The following HNRNPF variants were observed in gnomAD, a reference collection of about 807,000 sequenced individuals.
The protein encoded by HNRNPF is HnRNP F protein.
Under a neutral mutation model 26.0 loss-of-function variants are expected in HNRNPF, and 2 were observed. The observed-to-expected ratio is 0.08, with a 90% CI of 0.03 to 0.24. HNRNPF has a LOEUF of 0.24. Ranked by LOEUF, HNRNPF falls within the 10% of genes least tolerant of loss-of-function variation. HNRNPF has a pLI of 1.00. For missense variants in HNRNPF, 299 were observed against 539.2 expected (o/e 0.55, Z 4.41); for synonymous variants, 234 against 211.5 (o/e 1.11, Z -0.92).
At chr10:43,393,090 C>T (rs1465117125) in intron 3 of HNRNPF, among the ~76,000 whole-genome samples, 1 of 152,252 alleles carries the variant, frequency 6.6e-6, no homozygotes, top group African/African-American at 2.4e-5. Flanking sequence ...TCCTATTCAA[C>T]TCTTCCATTT....
At chr10:43,400,951 A>G (rs978425444) in intron 1 of HNRNPF, among the ~76,000 whole-genome samples, 2 of 152,178 alleles carry the variant, frequency 1.3e-5, no homozygotes, top group African/African-American at 4.8e-5. Context: ...ACGTGGTGGC[A>G]GGCACCTGTA....
chr10:43,395,315 T>A (rs1838439840), intron 2 of HNRNPF, among the ~76,000 whole-genome samples: 1 of 152,132 alleles, frequency 6.6e-6, no homozygotes, highest in Non-Finnish European at 1.5e-5. Context: ...CAAAAGACAC[T>A]TTCAGTTTTA....
chr10:43,394,178 A>AGG (rs1838367548), intron 3 of HNRNPF, among the ~76,000 whole-genome samples: 1 of 152,180 alleles, frequency 6.6e-6, no homozygotes, highest in Admixed American at 6.5e-5. Context: ...GCCCATGTGT[A>AGG]GGGGGGTCAA....
chr10:43,392,379 A>C (rs1838287010), intron 3 of HNRNPF, among the ~76,000 whole-genome samples: 1 of 152,150 alleles, frequency 6.6e-6, no homozygotes, highest in African/African-American at 2.4e-5. Context: ...TCTCTACTAA[A>C]AATACAAAAA....
In HNRNPF at chr10:43,387,163, C is replaced by G. The variant is rs556375140; in HGVS notation, c.722G>C (p.Gly241Ala). Reference sequence around the variant, plus strand: ...GAGGCCACTGTACTCCTCGTAGCCCCCGTAGCCTGTGCTGTAGGCACCAGG... The same window carrying G: ...GAGGCCACTGTACTCCTCGTAGCCCGCGTAGCCTGTGCTGTAGGCACCAGG... ...MRPGAYSTGY[G>A]GYEEYSGLSD... The change falls in exon 4 of 4, where the codon GGG becomes GCG. Residue 241 changes from glycine to alanine, a missense_variant. Gly to Ala is a moderately conservative substitution (Grantham distance 60). Transcript: ENST00000682386. This position sits in a 1 kb window ranked among gnomAD's most constrained non-coding sequence, Gnocchi z 6.0. 3.7e-6 allele frequency: 6 copies of G among 1,614,162 alleles called. No individual in the cohort carries two copies. The African/African-American group carries it at 8.0e-5, about 22-fold the overall frequency.
intron 1 of HNRNPF, among the ~76,000 whole-genome samples, chr10:43,408,029 C>G (rs540850446): frequency 1.3e-3 from 194 of 152,342 alleles, no homozygotes; most frequent in Non-Finnish European, 2.2e-3. Flanking sequence ...GCAAGCGACC[C>G]TCCCGCCTCA....
rs1838582221 is a variant in HNRNPF, at chr10:43,397,295, G to A, written c.-246-705C>T. 9 of 152,414 alleles carry A rather than the reference G, an allele frequency of 5.9e-5. No individual in the cohort carries two copies. The South Asian group carries it at 1.9e-3, about 32-fold the overall frequency. The allele number at this position is 152,414 out of a possible 1,614,324, so 9.4% of individuals were successfully genotyped here. On this transcript the variant is annotated intron_variant, in intron 1 of 3. Coordinates refer to ENST00000682386, the MANE Select transcript of HNRNPF (RefSeq NM_001098204.2). Reference sequence around the variant, plus strand: ...CCGGACGTGGGTCACGGGGTGCAGAGGAGGAAGTGCCATTGCCGGGCCCGC... The same window carrying A: ...CCGGACGTGGGTCACGGGGTGCAGAAGAGGAAGTGCCATTGCCGGGCCCGC...
intron 3 of HNRNPF, among the ~76,000 whole-genome samples, chr10:43,391,465 A>C (rs910682197): frequency 5.9e-5 from 9 of 151,706 alleles, no homozygotes; most frequent in Non-Finnish European, 8.8e-5. Context: ...CCAAAAAAAA[A>C]CCCACCACAC....
rs146750316 is a variant in HNRNPF, at chr10:43,387,081, G to A, written c.804C>T (p.Leu268=). The change falls in exon 4 of 4, where the codon CTC becomes CTT. Residue 268 remains leucine (L), a synonymous_variant. Transcript: ENST00000682386. The surrounding 1 kb of genome is among the most constrained non-coding windows in gnomAD (Gnocchi z 6.0). The part of the protein sequence containing the change: ...DLFGRDLSYC[L]SGMYDHRYGD... The stretch of plus-strand genomic sequence containing the variant: ...CGTATCTGTGGTCATACATTCCGGA[G>A]AGACAGTAGCTGAGGTCTCTCCCGA... 3 of 1,613,214 alleles carry A rather than the reference G, an allele frequency of 1.9e-6. No individual in the cohort carries two copies. The highest frequency in any genetic ancestry group is 1.1e-5 in the South Asian group (1 of 91,072).
chr10:43,404,107 G>A (rs1049355086), intron 1 of HNRNPF, among the ~76,000 whole-genome samples: 4 of 151,370 alleles, frequency 2.6e-5, no homozygotes, highest in Non-Finnish European at 5.9e-5. Context: ...GACCAGCCTG[G>A]CCAACATGGT....
At position 43,387,871 on chromosome 10, in the gene HNRNPF, G is replaced by C; in HGVS notation, c.14C>G (p.Pro5Arg). The C allele has an allele frequency of 6.2e-7, 1 of 1,609,210 alleles. No individual in the cohort carries two copies. The highest frequency in any genetic ancestry group is 8.5e-7 in the Non-Finnish European group (1 of 1,175,956). MMLG[P>R]EGGEGFVVKL... ...GACCACAAAGCCTTCACCTCCCTCA[G>C]GGCCCAGCATCATGGACACTTGTCA... is the stretch of plus-strand genomic sequence containing the variant. Residue 5 changes from proline (P) to arginine (R), a missense_variant, in exon 4 of 4, where the codon CCT becomes CGT. Transcript: ENST00000682386. This position sits in a 1 kb window ranked among gnomAD's most constrained non-coding sequence, Gnocchi z 6.0.
At position 43,405,714 on chromosome 10, in the gene HNRNPF, G is replaced by A. The variant is rs558323275; in HGVS notation, c.-247+3417C>T. On this transcript the variant is annotated intron_variant, in intron 1 of 3. Transcript: ENST00000682386. ...TAAACCCTGGATACTTGATATTTTG[G>A]AATGTATTTTTAGGCATGACAGCAG... Among the ~76,000 whole-genome samples the A allele has an allele frequency of 7.9e-5, 12 of 152,224 alleles. No homozygotes were observed. In the East Asian group the frequency reaches 2.1e-3, roughly 27 times the overall value.
At chr10:43,408,526 T>G (rs1457107157) in intron 1 of HNRNPF, among the ~76,000 whole-genome samples, 1 of 152,154 alleles carries the variant, frequency 6.6e-6, no homozygotes, top group African/African-American at 2.4e-5. Flanking sequence ...CGCTCTTCCC[T>G]GATCCCAAAT....
Position 43,386,637 on chromosome 10 carries a change from C to T in HNRNPF, c.1248G>A (p.Ter416=). The change falls in exon 4 of 4, where the codon TAG becomes TAA. Residue 416 remains the stop codon, a stop_retained_variant. Transcript: ENST00000682386. ...SGQNSMGGYD[*] ...AGTAACTCAAATGTTCCTAACAAAA[C>T]TAGTCATAGCCACCCATGCTGTTCT... 6.5e-7 allele frequency: 1 copy of T among 1,539,466 alleles called. No individual in the cohort carries two copies.
chr10:43,396,892 G>GGGGGC, intron 1 of HNRNPF: 1 of 104,600 alleles, frequency 9.6e-6, no homozygotes, highest in Non-Finnish European at 1.9e-5. Context: ...CCTCGCGGGA[G>GGGGGC]GGGGAGGGGA....
rs1241201961 is a variant in HNRNPF, at chr10:43,404,300, A to AT, written c.-247+4830dup. ...TGGGTGACAGAGTGAGAATCCGTCT[A>AT]TAAAAAAAAAAAAAAAGGAAAACAA... On this transcript the variant is annotated intron_variant, in intron 1 of 3. Transcript: ENST00000682386. Among the ~76,000 whole-genome samples, 50 of 106,660 alleles carry AT rather than the reference A, an allele frequency of 4.7e-4. No homozygotes were observed. The South Asian group carries it at 0.014, about 30-fold the overall frequency. The allele number at this position is 106,660 out of a possible 152,430, so 70.0% of individuals were successfully genotyped here.
At chr10:43,391,530 T>C (rs1046750070) in intron 3 of HNRNPF, among the ~76,000 whole-genome samples, 3 of 151,136 alleles carry the variant, frequency 2.0e-5, no homozygotes, top group Non-Finnish European at 4.4e-5. Context: ...GGGCCCTCAA[T>C]ATCGCCCACT....
In HNRNPF at chr10:43,387,852, A is replaced by G; in HGVS notation, c.33T>C (p.Phe11=). ...AGGGCAGGCCACGGAGCTTGACCAC[A>G]AAGCCTTCACCTCCCTCAGGGCCCA... is the stretch of plus-strand genomic sequence containing the variant. MMLGPEGGEG[F]VVKLRGLPWS... Residue 11 remains phenylalanine, a synonymous_variant, in exon 4 of 4, where the codon TTT becomes TTC. Transcript: ENST00000682386. The surrounding 1 kb of genome is among the most constrained non-coding windows in gnomAD (Gnocchi z 6.0). 1 of 1,612,720 alleles carries G rather than the reference A, an allele frequency of 6.2e-7. No homozygotes were observed.
At chr10:43,394,866 C>A (rs1422380809) in intron 2 of HNRNPF, among the ~76,000 whole-genome samples, 178 bp from the exon 3 acceptor site, 1 of 152,146 alleles carries the variant, frequency 6.6e-6, no homozygotes, top group Non-Finnish European at 1.5e-5. Flanking sequence ...TATCTTTTCA[C>A]AGGGCAATAC....
Sources: gnomAD v4.1 joint callset for allele counts (sites outside exome capture counted in the v4.1 genomes callset) on GRCh38, gnomAD v4.1.1 for gene constraint, Gnocchi (gnomAD v3.1) non-coding constraint, MANE v1.5 for transcripts, NCBI Gene and HGNC (gene_info 2026-07-23, HGNC 2026-07-21) for gene names.